The following MTA3 variants were observed in gnomAD, a reference collection of about 807,000 sequenced individuals.
MTA3 encodes metastasis-associated protein MTA3.
In MTA3, 34 loss-of-function variants were observed where a neutral mutation model predicts 83.5. The ratio of observed to expected loss-of-function variants is 0.41; its 90% CI spans 0.31 to 0.54. The LOEUF (loss-of-function observed/expected upper bound fraction) is 0.54. Among genes scored for constraint, MTA3 ranks in the 20% least tolerant of loss-of-function variants. The pLI is 0.33. For synonymous variants in MTA3, 303 were observed against 252.7 expected (o/e 1.20, Z -1.89); for missense variants, 761 against 726.4 (o/e 1.05, Z -0.55).
At chr2:42,563,831 C>CCTTCCTTCCTTCCTTCCTTCCTTT (rs1468990559), upstream of MTA3, among the ~76,000 whole-genome samples, 2 of 134,542 alleles carry the variant, frequency 1.5e-5, no homozygotes, top group African/African-American at 2.8e-5. Flanking sequence ...TTCCTTCCTT[C>CCTTCCTTCCTTCCTTCCTTCCTTT]CTTTCTTTTT....
chr2:42,753,387 T>C lies in MTA3; in HGVS notation c.1773T>C (p.Cys591=). Residue 591 remains cysteine, a synonymous_variant, in exon 17 of 17, where the codon TGT becomes TGC. Coordinates refer to ENST00000405094, the MANE Select transcript of MTA3 (RefSeq NM_001330442.2). ...TCCCTTTTCTAGAACTCACGTGCTG[T>C]GTGTCAGACTGAGCTTTCCCTGATT... ...HHNGLDELTC[C]VSD is the part of the protein sequence containing the mutation. The C allele has an allele frequency of 1.9e-6, 3 of 1,550,612 alleles. No homozygotes were observed. Among genetic ancestry groups the C allele is most frequent in the Non-Finnish European group, 2.6e-6 (3 of 1,146,992 alleles).
At chr2:42,553,241 C>A (rs1008166009) in intron 2 of MTA3, among the ~76,000 whole-genome samples, 2 of 151,618 alleles carry the variant, frequency 1.3e-5, no homozygotes, top group Non-Finnish European at 2.9e-5. Context: ...CTGGCTAACG[C>A]GGTGAAACCC....
chr2:42,572,447 C>A (rs1678594567), intron 2 of MTA3, among the ~76,000 whole-genome samples: 1 of 151,756 alleles, frequency 6.6e-6, no homozygotes, highest in African/African-American at 2.4e-5. Flanking sequence ...GGCATGATGG[C>A]ACATGCCTGT....
intron 8 of MTA3, among the ~76,000 whole-genome samples, chr2:42,662,148 A>G (rs1166159693): frequency 2.6e-5 from 4 of 152,080 alleles, no homozygotes; most frequent in African/African-American, 7.2e-5. Context: ...ATTATTTCCA[A>G]TATTCTTGTA....
chr2:42,522,959 G>A lies in MTA3; in HGVS notation c.-141+27705G>A, dbSNP rs141319070. 5.4e-3 allele frequency among the ~76,000 whole-genome samples: 814 copies of A among 151,854 alleles called. 3 individuals carry two copies. The highest frequency in any genetic ancestry group is 0.018 in the African/African-American group (734 of 41,438). On this transcript the variant is annotated intron_variant, in intron 2 of 17. Coordinates refer to the MTA3 transcript ENST00000405592. ...CAAGTAGCTGGGACCACAGGCACTC[G>A]TCACCACACCCAGCTAATTTTTTTT... is the stretch of plus-strand genomic sequence containing the variant.
intron 8 of MTA3, among the ~76,000 whole-genome samples, chr2:42,681,914 G>GTAAA (rs1157225233): frequency 1.3e-5 from 2 of 151,648 alleles, no homozygotes; most frequent in East Asian, 3.9e-4. Flanking sequence ...AAAAAAAAAG[G>GTAAA]TAAATAAATA....
intron 4 of MTA3, among the ~76,000 whole-genome samples, chr2:42,624,220 A>G (rs988797400): frequency 1.3e-5 from 2 of 152,048 alleles, no homozygotes; most frequent in African/African-American, 2.4e-5. Context: ...ATAAAACTGA[A>G]TTACTTTTAT....
chr2:42,697,905 T>C, intron 11 of MTA3, 71 bp downstream of exon 11: 1 of 1,144,466 alleles, frequency 8.7e-7, no homozygotes. Context: ...TGTCATTTTG[T>C]TCAGTTTCAG....
chr2:42,693,256 A>C (rs1023506206), intron 9 of MTA3, among the ~76,000 whole-genome samples: 1 of 151,930 alleles, frequency 6.6e-6, no homozygotes, highest in African/African-American at 2.4e-5. Context: ...ACCTATGCTC[A>C]CTCAAGGCCC....
At chr2:42,515,274 G>A (rs1675092727) in intron 2 of MTA3, among the ~76,000 whole-genome samples, 1 of 151,862 alleles carries the variant, frequency 6.6e-6, no homozygotes, top group Admixed American at 6.6e-5. Flanking sequence ...GGCCAGGCTG[G>A]TCTCAAACTC....
intron 2 of MTA3, among the ~76,000 whole-genome samples, chr2:42,561,619 G>A (rs1239600198): frequency 3.3e-5 from 5 of 152,066 alleles, no homozygotes; most frequent in Admixed American, 6.6e-5. Flanking sequence ...CACCGAGCCC[G>A]GCCCCAGGTG....
intron 4 of MTA3, among the ~76,000 whole-genome samples, chr2:42,621,338 C>T (rs906550890): frequency 5.3e-5 from 8 of 152,076 alleles, no homozygotes; most frequent in African/African-American, 1.9e-4. Flanking sequence ...TGACTCTTAA[C>T]GAGCATGCTG....
chr2:42,674,323 A>G (rs1691129487), intron 8 of MTA3, among the ~76,000 whole-genome samples: 2 of 152,250 alleles, frequency 1.3e-5, no homozygotes, highest in Non-Finnish European at 1.5e-5. Context: ...GTTCTGCTTA[A>G]CAAAAGATGA....
chr2:42,657,975 G>A (rs1689317770), intron 7 of MTA3, among the ~76,000 whole-genome samples: 1 of 148,890 alleles, frequency 6.7e-6, no homozygotes, highest in Admixed American at 6.8e-5. Context: ...GGGAGACTGA[G>A]GCGGGAAAAT....
At chr2:42,617,144 G>A (rs1384214168) in intron 4 of MTA3, among the ~76,000 whole-genome samples, 2 of 152,308 alleles carry the variant, frequency 1.3e-5, no homozygotes, top group South Asian at 2.1e-4. Flanking sequence ...GAATTATTTA[G>A]GAGAGAGAAT....
intron 4 of MTA3, among the ~76,000 whole-genome samples, chr2:42,625,569 A>T (rs1348013553): frequency 6.7e-6 from 1 of 149,332 alleles, no homozygotes; most frequent in Non-Finnish European, 1.5e-5. Flanking sequence ...ACACGGTGAA[A>T]CCCCGTCTCT....
At chr2:42,746,012 C>T (rs1669387253) in intron 16 of MTA3, among the ~76,000 whole-genome samples, 1 of 151,546 alleles carries the variant, frequency 6.6e-6, no homozygotes, top group Admixed American at 6.6e-5. Context: ...CGGGGTTTCA[C>T]CATGTTAGCC....
chr2:42,722,520 C>G (rs1368209560), intron 15 of MTA3, among the ~76,000 whole-genome samples: 1 of 152,126 alleles, frequency 6.6e-6, no homozygotes, highest in African/African-American at 2.4e-5. Flanking sequence ...TGTTTTACCC[C>G]CCTCACCCCA....
At chr2:42,631,502 T>G (rs966772156) in intron 4 of MTA3, among the ~76,000 whole-genome samples, 2 of 150,534 alleles carry the variant, frequency 1.3e-5, no homozygotes, top group South Asian at 2.1e-4. Context: ...TGTGTGTGTG[T>G]TTTTTTTTGA....
Sources: allele counts gnomAD v4.1 joint callset (sites outside exome capture counted in the v4.1 genomes callset), GRCh38; gene constraint gnomAD v4.1.1; transcripts MANE v1.5; gene names NCBI Gene and HGNC (gene_info 2026-07-23, HGNC 2026-07-21).